The following SORT1 variants were observed in gnomAD, a reference collection of about 807,000 sequenced individuals.
The protein encoded by SORT1 is sortilin 1, also known as sortilin.
Under a neutral mutation model 101.7 loss-of-function variants are expected in SORT1, and 39 were observed. The observed-to-expected ratio is 0.38, with a 90% confidence interval of 0.30 to 0.50. The LOEUF (loss-of-function observed/expected upper bound fraction) is 0.50, where lower values mean the gene tolerates loss of function less well. Among genes scored for constraint, SORT1 ranks in the 20% least tolerant of loss-of-function variants. The pLI is 0.90. For synonymous variants in SORT1, 396 were observed against 393.7 expected, an observed-to-expected ratio of 1.01 and a Z score of -0.07; for missense variants, 878 against 1,040.4, an observed-to-expected ratio of 0.84 and a Z score of 2.15.
intron 1 of SORT1, chr1:109,393,089 G>A (rs1411824260): frequency 1.5e-5 from 15 of 985,268 alleles, no homozygotes; most frequent in South Asian, 1.4e-4. Context: ...GGTCTTCAGC[G>A]GCAGCTCCCT....
At chr1:109,376,341 A>AG (rs1651852200) in intron 1 of SORT1, among the ~76,000 whole-genome samples, 1 of 151,524 alleles carries the variant, frequency 6.6e-6, no homozygotes, top group Non-Finnish European at 1.5e-5. Context: ...AAAAAAAAAA[A>AG]AAAAAAAAGG....
chr1:109,397,600 T>C lies in SORT1; in HGVS notation c.293A>G (p.Asn98Ser). ...GCGCCCGCTCACCTGGTGCGTGTTG[T>C]TGGCCAGCTTGGCGACGAAGTCCCG... is the stretch of plus-strand genomic sequence containing the variant. ...RVRDFVAKLA[N>S]NTHQHVFDDL... is the part of the protein sequence containing the mutation. The change falls in exon 1 of 20, where the codon AAC becomes AGC. Residue 98 changes from asparagine (N) to serine (S), a missense_variant. This residue lies in a region of SORT1 where 194 missense variants were observed against 145.9 expected (regional missense o/e 1.33). Transcript: ENST00000256637. The C allele has an allele frequency of 7.9e-7, 1 of 1,273,654 alleles. No homozygotes were observed. The highest frequency in any genetic ancestry group is 1.6e-5 in the South Asian group (1 of 63,658). The allele number at this position is 1,273,654 out of a possible 1,614,324, so 78.9% of individuals were successfully genotyped here. A position where few individuals can be genotyped will look rare whatever the true frequency, so the allele number is the denominator to read the frequency against.
At position 109,309,937 on chromosome 1, in the gene SORT1, GAAC is replaced by G. The variant is rs1476226691; in HGVS notation, c.*4103_*4105del. 1 of 152,642 alleles carries G rather than the reference GAAC, an allele frequency of 6.6e-6. No individual in the cohort carries two copies. The highest frequency in any genetic ancestry group is 1.5e-5 in the Non-Finnish European group (1 of 68,062). The allele number at this position is 152,642 out of a possible 1,614,324, so 9.5% of individuals were successfully genotyped here. ...CAGAAAGGGAACAAGAGAGAGGGCT[GAAC>G]AACAGGCACATGGGGACCCTGAGCA... On this transcript the variant is annotated 3_prime_UTR_variant, in exon 20 of 20. Coordinates refer to ENST00000256637, the MANE Select transcript of SORT1 (RefSeq NM_002959.7).
At chr1:109,369,791 C>A (rs914296852) in intron 1 of SORT1, among the ~76,000 whole-genome samples, 1 of 152,060 alleles carries the variant, frequency 6.6e-6, no homozygotes, top group African/African-American at 2.4e-5. Flanking sequence ...AATTTAAATT[C>A]TCTCTAACAC....
intron 3 of SORT1, among the ~76,000 whole-genome samples, chr1:109,359,614 C>T (rs952869923): frequency 6.6e-6 from 1 of 152,158 alleles, no homozygotes; most frequent in East Asian, 1.9e-4. Context: ...GTTCTCCTGC[C>T]TCAGCCTCCC....
At chr1:109,393,217 A>C (rs1653015908) in intron 1 of SORT1, 1 of 985,308 alleles carries the variant, frequency 1.0e-6, no homozygotes, top group African/African-American at 1.7e-5. Context: ...GCCTCTCTAC[A>C]GGGCCTGTTT....
chr1:109,378,770 T>C (rs1652039351), intron 1 of SORT1, among the ~76,000 whole-genome samples: 1 of 112,480 alleles, frequency 8.9e-6, no homozygotes, highest in African/African-American at 3.5e-5. Flanking sequence ...ATAAAGATGT[T>C]ATGTGTTAGT....
In SORT1 at chr1:109,317,922, TG is replaced by T; in HGVS notation, c.2071del (p.Gln691SerfsTer4). ...RPENDSKCVE[Q>X]PELKGHDLEF... ...CAGGTCGTGGCCCTTCAGTTCTGGCTGTTCCACACACTTGGAGTCATTTTCT... is the reference window on the plus strand; with the variant it reads ...CAGGTCGTGGCCCTTCAGTTCTGGCTTTCCACACACTTGGAGTCATTTTCT... On this transcript the variant is annotated frameshift_variant, in exon 16 of 20. Coordinates refer to ENST00000256637, the MANE Select transcript of SORT1 (RefSeq NM_002959.7). LOFTEE classifies it high-confidence loss of function. 6.2e-7 allele frequency: 1 copy of T among 1,614,196 alleles called. No homozygotes were observed. Among genetic ancestry groups the T allele is most frequent in the Non-Finnish European group, 8.5e-7 (1 of 1,179,986 alleles).
intron 10 of SORT1, among the ~76,000 whole-genome samples, chr1:109,340,146 CAAAAAAAA>C (rs34790280): frequency 2.1e-5 from 2 of 96,298 alleles, no homozygotes; most frequent in African/African-American, 4.1e-5. Flanking sequence ...GATTCCATCT[CAAAAAAAA>C]AAAAAAAAAA....
chr1:109,392,195 C>T (rs948390511), intron 1 of SORT1, among the ~76,000 whole-genome samples: 2 of 152,138 alleles, frequency 1.3e-5, no homozygotes, highest in African/African-American at 2.4e-5. Flanking sequence ...AAACGTTACT[C>T]CCCCGTCCTG....
At chr1:109,314,536 GAGA>G (rs1658922997) in intron 18 of SORT1, 133 bp downstream of exon 18, 1 of 1,167,244 alleles carries the variant, frequency 8.6e-7, no homozygotes, top group African/African-American at 1.5e-5. Flanking sequence ...TGTACGACAT[GAGA>G]AGATTTGGGC....
chr1:109,330,088 G>A (rs1290710006), intron 11 of SORT1, among the ~76,000 whole-genome samples: 2 of 152,142 alleles, frequency 1.3e-5, no homozygotes, highest in South Asian at 2.1e-4. Context: ...TGCAAGCTCC[G>A]CCTCCCGGGT....
chr1:109,393,007 CG>C (rs929304418), intron 1 of SORT1: 8 of 985,376 alleles, frequency 8.1e-6, no homozygotes, highest in Non-Finnish European at 9.6e-6. Context: ...TAGGAAGTTC[CG>C]GGGCATTAAA....
intron 1 of SORT1, among the ~76,000 whole-genome samples, chr1:109,384,253 A>T (rs1475815165): frequency 6.6e-6 from 1 of 152,196 alleles, no homozygotes; most frequent in Non-Finnish European, 1.5e-5. Context: ...TCATGCATTA[A>T]AAATCTGTGC....
chr1:109,331,924 T>C (rs529839712), intron 11 of SORT1, among the ~76,000 whole-genome samples: 11 of 126,908 alleles, frequency 8.7e-5, no homozygotes, highest in African/African-American at 3.3e-4. Context: ...TCATCTACAA[T>C]AGTACAAGAA....
intron 11 of SORT1, among the ~76,000 whole-genome samples, chr1:109,333,208 G>A (rs912025314): frequency 3.9e-5 from 6 of 152,152 alleles, no homozygotes; most frequent in Non-Finnish European, 7.3e-5. Flanking sequence ...TTACAGGCGT[G>A]AGCCACCACA....
intron 10 of SORT1, among the ~76,000 whole-genome samples, chr1:109,340,411 GGAAC>G (rs1649131778): frequency 1.3e-5 from 2 of 152,098 alleles, no homozygotes; most frequent in Admixed American, 1.3e-4. Context: ...GACTGGGTGG[GGAAC>G]GAGGAGTGCT....
At chr1:109,364,077 A>T (rs1173208618) in intron 3 of SORT1, among the ~76,000 whole-genome samples, 1 of 152,226 alleles carries the variant, frequency 6.6e-6, no homozygotes, top group Admixed American at 6.5e-5. Flanking sequence ...GTGGTTAAAC[A>T]AACAAAAAAA....
At chr1:109,392,765 C>T (rs1292491180) in intron 1 of SORT1, 5 of 984,674 alleles carry the variant, frequency 5.1e-6, no homozygotes, top group Admixed American at 6.1e-5. Flanking sequence ...TTTAACATCC[C>T]TCTAGGGGCT....
Sources: allele counts gnomAD v4.1 joint callset (sites outside exome capture counted in the v4.1 genomes callset), GRCh38; gene constraint gnomAD v4.1.1; regional missense constraint gnomAD v4.1.1; transcripts MANE v1.5; gene names NCBI Gene and HGNC (gene_info 2026-07-23, HGNC 2026-07-21).